The following AGAP1 variants were observed in gnomAD, a reference collection of about 807,000 sequenced individuals.
AGAP1 encodes ArfGAP with GTPase domain, ankyrin repeat and PH domain 1.
A neutral mutation model predicts 105.3 loss-of-function variants in AGAP1; 29 were observed. The ratio of observed to expected loss-of-function variants is 0.28; its 90% CI spans 0.21 to 0.38. The LOEUF is 0.38. AGAP1 is among the 10% of genes least tolerant of loss of function. AGAP1 has a pLI of 1.00. For missense variants in AGAP1, 998 were observed against 1,165.1 expected, an observed-to-expected ratio of 0.86 and a Z score of 2.09; for synonymous variants, 509 against 485.9, an observed-to-expected ratio of 1.05 and a Z score of -0.63.
chr2:235,925,499 C>T (rs533501392), intron 11 of AGAP1, among the ~76,000 whole-genome samples: 3 of 152,130 alleles, frequency 2.0e-5, no homozygotes, highest in Non-Finnish European at 2.9e-5. Flanking sequence ...GCAGACCCCA[C>T]GCACCTTGCA....
chr2:235,670,517 G>T, intron 1 of AGAP1: 2 of 492,252 alleles, frequency 4.1e-6, no homozygotes, highest in Non-Finnish European at 7.1e-6. Context: ...CGGCAGCCCC[G>T]ACGTGGAGGG....
At position 236,042,943 on chromosome 2, in the gene AGAP1, G is replaced by A. The variant is rs1225196105; in HGVS notation, c.1891+2102G>A. ...AACCCTAGTAGTTGGTGCCCCTGTG[G>A]GCCCCACTTAAAGGGGAGGAATTGA... On this transcript the variant is annotated intron_variant, in intron 15 of 17. Coordinates refer to ENST00000304032, the MANE Select transcript of AGAP1 (RefSeq NM_001037131.3). This position sits in a 1 kb window ranked among gnomAD's most constrained non-coding sequence, Gnocchi z 5.6. Among the ~76,000 whole-genome samples the A allele has an allele frequency of 6.6e-6, 1 of 152,190 alleles. No homozygotes were observed. Among genetic ancestry groups the A allele is most frequent in the Admixed American group, 6.5e-5 (1 of 15,276 alleles).
At chr2:235,587,107 A>G (rs1320308484) in intron 1 of AGAP1, among the ~76,000 whole-genome samples, 2 of 152,234 alleles carry the variant, frequency 1.3e-5, no homozygotes, top group Non-Finnish European at 1.5e-5. Flanking sequence ...AGCCATTTGT[A>G]TGGAGAAGGT....
chr2:235,703,390 A>G (rs1038422089), intron 1 of AGAP1, among the ~76,000 whole-genome samples: 6 of 152,114 alleles, frequency 3.9e-5, no homozygotes, highest in Non-Finnish European at 8.8e-5. Flanking sequence ...CACCTGGGCA[A>G]CGGGACATCA....
At chr2:235,802,344 AATT>A (rs1482541441) in intron 8 of AGAP1, among the ~76,000 whole-genome samples, 6 of 152,206 alleles carry the variant, frequency 3.9e-5, no homozygotes, top group Admixed American at 3.3e-4. Flanking sequence ...AATCACCATT[AATT>A]ATTTCACCAT....
At chr2:235,815,023 G>A (rs752751201) in intron 9 of AGAP1, among the ~76,000 whole-genome samples, 7 of 152,130 alleles carry the variant, frequency 4.6e-5, no homozygotes, top group African/African-American at 7.2e-5. Flanking sequence ...GAGTCTTGGC[G>A]GTAACCAGCG....
chr2:235,647,427 A>C (rs912122987), intron 1 of AGAP1, among the ~76,000 whole-genome samples: 5 of 151,954 alleles, frequency 3.3e-5, no homozygotes, highest in African/African-American at 1.2e-4. Context: ...TTGCTCTGTC[A>C]CCCGGGCCGG....
At chr2:235,510,014 A>G (rs192088594) in intron 1 of AGAP1, among the ~76,000 whole-genome samples, 9 of 152,196 alleles carry the variant, frequency 5.9e-5, no homozygotes, top group Non-Finnish European at 1.3e-4. Flanking sequence ...GGCGCTCCTT[A>G]TGAGACTCTG....
At position 235,736,812 on chromosome 2, in the gene AGAP1, G is replaced by T. The variant is rs1952282832; in HGVS notation, c.311-4151G>T. On this transcript the variant is annotated intron_variant, in intron 3 of 17. Coordinates refer to ENST00000304032, the MANE Select transcript of AGAP1 (RefSeq NM_001037131.3). The surrounding 1 kb of genome is among the most constrained non-coding windows in gnomAD (Gnocchi z 5.5). ...GTCATGTCCGTGCCACCGCACTCCA[G>T]CCTAGGCAACAGAGTGAGACTGTGT... Among the ~76,000 whole-genome samples the T allele has an allele frequency of 6.6e-6, 1 of 152,178 alleles. No individual in the cohort carries two copies. The highest frequency in any genetic ancestry group is 2.1e-4 in the South Asian group (1 of 4,832).
intron 9 of AGAP1, among the ~76,000 whole-genome samples, chr2:235,869,233 T>C (rs2049320836): frequency 6.6e-6 from 1 of 151,982 alleles, no homozygotes; most frequent in Non-Finnish European, 1.5e-5. Flanking sequence ...TTCTTCCCCT[T>C]ACTGCCGTTT....
At position 235,932,251 on chromosome 2, in the gene AGAP1, G is replaced by A. The variant is rs571513727; in HGVS notation, c.1483+1328G>A. ...GCCAGGCAGCCTAGGATGAGCCTCC[G>A]TACCTCCATGAGCCTCCGTTTTCTT... On this transcript the variant is annotated intron_variant, in intron 12 of 17. Coordinates refer to ENST00000304032, the MANE Select transcript of AGAP1 (RefSeq NM_001037131.3). Among the ~76,000 whole-genome samples, 14 of 152,208 alleles carry A rather than the reference G, an allele frequency of 9.2e-5. 1 individual carries two copies. In the South Asian group the frequency reaches 1.9e-3, roughly 20 times the overall value.
At position 236,101,114 on chromosome 2, in the gene AGAP1, C is replaced by T. The variant is rs1176215169; in HGVS notation, c.2115-19078C>T. On this transcript the variant is annotated intron_variant, in intron 16 of 17. Transcript: ENST00000304032. This position sits in a 1 kb window ranked among gnomAD's most constrained non-coding sequence, Gnocchi z 4.9. ...TTCATATTTTGAAAAAAGTCAAAAT[C>T]CAAATTGATTTTCAATGTGTTTCCC... Among the ~76,000 whole-genome samples, 1 of 152,108 alleles carries T rather than the reference C, an allele frequency of 6.6e-6. No individual in the cohort carries two copies.
intron 16 of AGAP1, among the ~76,000 whole-genome samples, chr2:236,107,343 C>T (rs1280166808): frequency 6.6e-6 from 1 of 152,212 alleles, no homozygotes; most frequent in African/African-American, 2.4e-5. Context: ...TGGGTCTGAG[C>T]TGACTGGGTT....
At chr2:236,052,788 G>A (rs559097116) in intron 16 of AGAP1, among the ~76,000 whole-genome samples, 41 of 152,236 alleles carry the variant, frequency 2.7e-4, no homozygotes, top group African/African-American at 9.6e-4. Context: ...CTGTAATGGG[G>A]GTTTAATTTG....
intron 3 of AGAP1, among the ~76,000 whole-genome samples, chr2:235,735,362 A>C (rs1408654127): frequency 6.6e-6 from 1 of 152,188 alleles, no homozygotes; most frequent in Non-Finnish European, 1.5e-5. Flanking sequence ...CAGAAATGAC[A>C]GCATAGATGA....
rs73996134 is a variant in AGAP1, at chr2:235,518,571, T to C, written c.163+23722T>C. ...ACTGGGTGCCAGCTGTTTCCCACCG[T>C]CAGCCTTGGGAGGGGCACGGAGCTT... On this transcript the variant is annotated intron_variant, in intron 1 of 17. Transcript: ENST00000304032. 8.7e-3 allele frequency among the ~76,000 whole-genome samples: 1,322 copies of C among 152,282 alleles called. 23 individuals carry two copies. The highest frequency in any genetic ancestry group is 0.03 in the African/African-American group (1,261 of 41,548).
rs932654567 is a variant in AGAP1 at position 235,843,550 on chromosome 2, C to G, written c.1050+36219C>G. The stretch of plus-strand genomic sequence containing the variant: ...GCTGTGGGATGCCTCCGCCTCCCTT[C>G]GTTCCCCATTTGCAGCCTCTAGGTG... On this transcript the variant is annotated intron_variant, in intron 9 of 17. Transcript: ENST00000304032. This position sits in a 1 kb window ranked among gnomAD's most constrained non-coding sequence, Gnocchi z 5.9. Among the ~76,000 whole-genome samples the G allele has an allele frequency of 6.6e-6, 1 of 152,170 alleles. No homozygotes were observed. Among genetic ancestry groups the G allele is most frequent in the Non-Finnish European group, 1.5e-5 (1 of 68,036 alleles).
chr2:235,755,097 T>C (rs1953807586), intron 6 of AGAP1, among the ~76,000 whole-genome samples: 1 of 151,718 alleles, frequency 6.6e-6, no homozygotes, highest in Non-Finnish European at 1.5e-5. Flanking sequence ...AGGGAGGCAC[T>C]GGGGGCTGGG....
In AGAP1 at chr2:235,855,376, T is replaced by C. The variant is rs575978998; in HGVS notation, c.1051-27969T>C. 2.0e-5 allele frequency among the ~76,000 whole-genome samples: 3 copies of C among 152,362 alleles called. No homozygotes were observed. Among genetic ancestry groups the C allele is most frequent in the Admixed American group, 6.5e-5 (1 of 15,312 alleles). ...ATTCAAAGCTAAAAGTCAACTGAAA[T>C]TCTAAGCTCTCTTTGCTATACTACA... is the stretch of plus-strand genomic sequence containing the variant. On this transcript the variant is annotated intron_variant, in intron 9 of 17. Transcript: ENST00000304032. The surrounding 1 kb of genome is among the most constrained non-coding windows in gnomAD (Gnocchi z 5.0).
Sources: gnomAD v4.1 joint callset for allele counts (sites outside exome capture counted in the v4.1 genomes callset) on GRCh38, gnomAD v4.1.1 for gene constraint, Gnocchi (gnomAD v3.1) non-coding constraint, MANE v1.5 for transcripts, NCBI Gene and HGNC (gene_info 2026-07-23, HGNC 2026-07-21) for gene names.